The following FXYD6 variants were observed in gnomAD, a reference collection of about 807,000 sequenced individuals.
FXYD6 encodes FXYD domain containing ion transport regulator 6, also known as FXYD domain-containing ion transport regulator 6.
A neutral mutation model predicts 16.7 loss-of-function variants in FXYD6; 7 were observed. The ratio of observed to expected loss-of-function variants is 0.42; its 90% confidence interval spans 0.24 to 0.79. FXYD6 has a LOEUF of 0.79. Among genes scored for constraint, FXYD6 ranks in the 30% least tolerant of loss-of-function variants. FXYD6 has a pLI of 0.28. For synonymous variants in FXYD6, 49 were observed against 43.0 expected (o/e 1.14, Z -0.54); for missense variants, 111 against 116.2 (o/e 0.95, Z 0.21).
At chr11:117,840,210 C>T (rs963903052) in intron 6 of FXYD6, 109 bp downstream of exon 6, 36 of 1,459,108 alleles carry the variant, frequency 2.5e-5, no homozygotes, top group Middle Eastern at 1.8e-4. Context: ...CCTGGCACTG[C>T]GGGAGCATGT....
chr11:117,866,778 C>A (rs1415932050), intron 1 of FXYD6, among the ~76,000 whole-genome samples: 1 of 152,196 alleles, frequency 6.6e-6, no homozygotes, highest in African/African-American at 2.4e-5. Context: ...AGTCCCAGAC[C>A]AGTTGTAGGC....
chr11:117,875,043 G>T (rs1346524954), intron 1 of FXYD6, among the ~76,000 whole-genome samples: 1 of 152,096 alleles, frequency 6.6e-6, no homozygotes, highest in East Asian at 1.9e-4. Context: ...GCTGGATAAG[G>T]AAGGAAACTG....
intron 1 of FXYD6, among the ~76,000 whole-genome samples, chr11:117,860,370 T>C (rs6589630): frequency 0.48 from 72,922 of 152,066 alleles, 18,254 homozygotes; most frequent in East Asian, 0.73. Flanking sequence ...GGCAGCGAGA[T>C]ACAGGTACCT....
intron 1 of FXYD6, among the ~76,000 whole-genome samples, chr11:117,848,929 CATTAATCCTTTTTAT>C (rs2056541747): frequency 6.6e-6 from 1 of 152,072 alleles, no homozygotes; most frequent in African/African-American, 2.4e-5. Context: ...CTCTTGGTTT[CATTAATCCTTTTTAT>C]TGTATGTTTT....
chr11:117,875,379 T>C (rs1226662990), intron 1 of FXYD6, among the ~76,000 whole-genome samples: 1 of 151,264 alleles, frequency 6.6e-6, no homozygotes, highest in Non-Finnish European at 1.5e-5. Flanking sequence ...GATATCTAGG[T>C]CTCCTAGCCA....
rs2056353353 is a variant in FXYD6, at chr11:117,841,841, C to T, written c.122G>A (p.Gly41Glu). ...HYDYQTLRIG[G>E]LVFAVVLFSV... ...GAAGAGGACCACAGCGAACACCAGT[C>T]CCCCAATCCTCAGGGTCTGGTAATC... Residue 41 changes from glycine to glutamate, a missense_variant, in exon 4 of 8, where the codon GGA becomes GAA. Gly to Glu is a moderately conservative substitution (Grantham distance 98). Transcript: ENST00000526014. The T allele has an allele frequency of 6.2e-7, 1 of 1,613,824 alleles. No homozygotes were observed. Among genetic ancestry groups the T allele is most frequent in the Non-Finnish European group, 8.5e-7 (1 of 1,179,996 alleles).
intron 1 of FXYD6, among the ~76,000 whole-genome samples, chr11:117,871,440 G>A (rs2057133972): frequency 6.6e-6 from 1 of 151,830 alleles, no homozygotes; most frequent in Non-Finnish European, 1.5e-5. Flanking sequence ...CCATTGAGAG[G>A]CGGTGCAGTG....
intron 1 of FXYD6, among the ~76,000 whole-genome samples, chr11:117,873,490 G>A (rs933370583): frequency 6.6e-6 from 1 of 152,240 alleles, no homozygotes; most frequent in African/African-American, 2.4e-5. Context: ...TTTGTGCAAT[G>A]AACGCATTTG....
rs1048794891 is a variant in FXYD6, at chr11:117,872,909, G to A, written c.-6+3683C>T. On this transcript the variant is annotated intron_variant, in intron 1 of 7. Transcript: ENST00000526014. The surrounding 1 kb of genome is among the most constrained non-coding windows in gnomAD (Gnocchi z 4.9). ...TGTCAGAGCACTGTGTTCCCGACCG[G>A]CCCCTCTCGTTGCAACTCTCCAGCT... Among the ~76,000 whole-genome samples the A allele has an allele frequency of 1.3e-5, 2 of 152,292 alleles. No homozygotes were observed. Among genetic ancestry groups the A allele is most frequent in the African/African-American group, 4.8e-5 (2 of 41,554 alleles).
At chr11:117,860,867 T>TA (rs1428166423) in intron 1 of FXYD6, among the ~76,000 whole-genome samples, 1 of 152,246 alleles carries the variant, frequency 6.6e-6, no homozygotes, top group Admixed American at 6.5e-5. Context: ...CAACTATTAT[T>TA]ACGATCATTC....
chr11:117,864,636 G>A (rs2056976011), intron 1 of FXYD6, among the ~76,000 whole-genome samples: 2 of 152,166 alleles, frequency 1.3e-5, no homozygotes, highest in South Asian at 2.1e-4. Context: ...GCCCAGGCTG[G>A]AGTGCAACGG....
In FXYD6 at chr11:117,838,143, G is replaced by A. The variant is rs2056242274; in HGVS notation, c.*156C>T. 2.9e-6 allele frequency: 2 copies of A among 701,088 alleles called. No homozygotes were observed. The highest frequency in any genetic ancestry group is 5.2e-6 in the Non-Finnish European group (2 of 384,896). The allele number at this position is 701,088 out of a possible 1,614,324, so 43.4% of individuals were successfully genotyped here. On this transcript the variant is annotated 3_prime_UTR_variant, in exon 8 of 8. Transcript: ENST00000526014. ...TTGCATCATCAGGTGGAGGAATGGTGTTAGAGGGGATAGGGTGGGGGACAC... is the reference window on the plus strand; with the variant it reads ...TTGCATCATCAGGTGGAGGAATGGTATTAGAGGGGATAGGGTGGGGGACAC...
At chr11:117,868,770 A>G (rs779336114) in intron 1 of FXYD6, 12 of 152,188 alleles carry the variant, frequency 7.9e-5, no homozygotes, top group Admixed American at 1.3e-4. Flanking sequence ...AACTCATACA[A>G]TCTGCCCAAG....
rs996589481 is a variant in FXYD6 at position 117,838,374 on chromosome 11, C to T, written c.*22-97G>A. The T allele has an allele frequency of 2.0e-5, 14 of 694,768 alleles. No homozygotes were observed. The East Asian group carries it at 3.0e-4, about 15-fold the overall frequency. The allele number at this position is 694,768 out of a possible 1,614,324, so 43.0% of individuals were successfully genotyped here. ...CCTTGAGCACCTGCCCACTGAAATT[C>T]CCGGTATGACAGCCTCGTCTGAGAC... On this transcript the variant is annotated intron_variant, in intron 7 of 7. Coordinates refer to ENST00000526014, the MANE Select transcript of FXYD6 (RefSeq NM_022003.4).
chr11:117,838,759 G>T (rs1389136966), intron 7 of FXYD6: 2 of 182,922 alleles, frequency 1.1e-5, no homozygotes, highest in African/African-American at 4.7e-5. Flanking sequence ...CCAGAAGACG[G>T]GAGTAATGAG....
chr11:117,853,371 T>C (rs997763099), intron 1 of FXYD6, among the ~76,000 whole-genome samples: 3 of 152,232 alleles, frequency 2.0e-5, no homozygotes, highest in Non-Finnish European at 4.4e-5. Flanking sequence ...CAGGTTTGGC[T>C]TCCCAACCTT....
In FXYD6 at chr11:117,842,110, A is replaced by C. The variant is rs572252442; in HGVS notation, c.59-82T>G. On this transcript the variant is annotated intron_variant, in intron 2 of 7. Coordinates refer to ENST00000526014, the MANE Select transcript of FXYD6 (RefSeq NM_022003.4). Reference sequence around the variant, plus strand: ...TATCTAACCTTGCCTCACAGACCTCAGTCTCCACAAAGGAATTCCAGAGGA... The same window carrying C: ...TATCTAACCTTGCCTCACAGACCTCCGTCTCCACAAAGGAATTCCAGAGGA... 82 of 1,599,720 alleles carry C rather than the reference A, an allele frequency of 5.1e-5. No individual in the cohort carries two copies. The South Asian group carries it at 8.5e-4, about 17-fold the overall frequency.
intron 1 of FXYD6, among the ~76,000 whole-genome samples, chr11:117,863,125 T>G (rs1342091499): frequency 6.6e-6 from 1 of 152,222 alleles, no homozygotes; most frequent in Non-Finnish European, 1.5e-5. Context: ...CTTATGCTAT[T>G]GCCCAAGGCC....
intron 6 of FXYD6, chr11:117,840,084 G>A: frequency 1.6e-6 from 1 of 642,316 alleles, no homozygotes; most frequent in East Asian, 2.7e-5. Flanking sequence ...CCCATTAAAT[G>A]ATATGGGGTC....
Sources: gnomAD v4.1 joint callset for allele counts (sites outside exome capture counted in the v4.1 genomes callset) on GRCh38, gnomAD v4.1.1 for gene constraint, Gnocchi (gnomAD v3.1) non-coding constraint, MANE v1.5 for transcripts, NCBI Gene and HGNC (gene_info 2026-07-23, HGNC 2026-07-21) for gene names.